The following CCDC7 variants were observed in gnomAD, a reference collection of about 807,000 sequenced individuals.
CCDC7 encodes the protein coiled-coil domain containing 7.
Under a neutral mutation model 196.9 loss-of-function variants are expected in CCDC7, and 183 were observed. That is an observed-to-expected ratio of 0.93 (90% CI 0.82 to 1.05). The LOEUF (loss-of-function observed/expected upper bound fraction) is 1.05, where lower values mean the gene tolerates loss of function less well. Ranked by LOEUF, CCDC7 falls within the 50% of genes least tolerant of loss-of-function variation. The probability of loss-of-function intolerance (pLI) is 0.00; values close to 1 mark genes in which losing one functional copy is unlikely to be tolerated. For synonymous variants in CCDC7, 525 were observed against 484.6 expected (o/e 1.08, Z -1.10); for missense variants, 1,540 against 1,482.2 (o/e 1.04, Z -0.64).
intron 33 of CCDC7, among the ~76,000 whole-genome samples, chr10:32,843,969 C>A (rs2093135845): frequency 6.6e-6 from 1 of 151,930 alleles, no homozygotes; most frequent in Non-Finnish European, 1.5e-5. Context: ...AAATGTTACA[C>A]TGTAATACTT....
At chr10:32,762,292 C>T (rs909620345) in intron 28 of CCDC7, among the ~76,000 whole-genome samples, 4 of 151,756 alleles carry the variant, frequency 2.6e-5, no homozygotes, top group Non-Finnish European at 4.4e-5. Context: ...AATGAGTGTG[C>T]GAGCACTTCT....
At chr10:32,745,672 G>A (rs1212371661) in intron 28 of CCDC7, among the ~76,000 whole-genome samples, 1 of 151,988 alleles carries the variant, frequency 6.6e-6, no homozygotes, top group African/African-American at 2.4e-5. Context: ...CCTTTGGAGG[G>A]GACAAATATC....
intron 20 of CCDC7, among the ~76,000 whole-genome samples, chr10:32,645,140 A>G (rs1053161279): frequency 6.6e-6 from 1 of 152,260 alleles, no homozygotes; most frequent in Non-Finnish European, 1.5e-5. Context: ...AATGAAAACC[A>G]TAGTGAGATA....
At chr10:32,677,014 A>G (rs2075097958) in intron 21 of CCDC7, among the ~76,000 whole-genome samples, 1 of 137,770 alleles carries the variant, frequency 7.3e-6, no homozygotes, top group Admixed American at 6.8e-5. Flanking sequence ...TGTGGCACAT[A>G]CCATGGAATA....
chr10:32,787,801 T>C (rs117282966), intron 29 of CCDC7, among the ~76,000 whole-genome samples: 5,043 of 152,130 alleles, frequency 0.033, 103 homozygotes, highest in Non-Finnish European at 0.05. Flanking sequence ...CAGTCCCAGC[T>C]CCAGGCTGGC....
chr10:32,550,160 T>TG (rs2136294071), intron 13 of CCDC7, among the ~76,000 whole-genome samples: 1 of 151,862 alleles, frequency 6.6e-6, no homozygotes, highest in East Asian at 1.9e-4. Flanking sequence ...TAAGTTTTTT[T>TG]TTTTTTTCAG....
intron 21 of CCDC7, among the ~76,000 whole-genome samples, chr10:32,666,648 T>C (rs1478479688): frequency 6.6e-6 from 1 of 151,958 alleles, no homozygotes; most frequent in African/African-American, 2.4e-5. Context: ...GTCCTTGCGA[T>C]AGTTTGCTGA....
chr10:32,623,652 A>G (rs1020181656), intron 18 of CCDC7: 8 of 459,136 alleles, frequency 1.7e-5, no homozygotes, highest in Non-Finnish European at 3.1e-5. Context: ...GTGTTGACAT[A>G]AGGAAATACT....
chr10:32,528,769 TACACACAC>T (rs953807176), intron 11 of CCDC7, among the ~76,000 whole-genome samples: 27 of 149,082 alleles, frequency 1.8e-4, no homozygotes, highest in South Asian at 4.2e-4. Context: ...TATTTACATA[TACACACAC>T]ATTATTCCAT....
intron 25 of CCDC7, among the ~76,000 whole-genome samples, chr10:32,712,570 A>G (rs2081005531): frequency 1.3e-5 from 2 of 152,200 alleles, no homozygotes; most frequent in African/African-American, 4.8e-5. Context: ...CCAGGAGTGG[A>G]ACTTTGTCCA....
At chr10:32,628,511 C>G (rs1460311049) in intron 18 of CCDC7, among the ~76,000 whole-genome samples, 1 of 151,770 alleles carries the variant, frequency 6.6e-6, no homozygotes, top group Non-Finnish European at 1.5e-5. Context: ...TTTATTTCTG[C>G]TCTAATCTTT....
intron 41 of CCDC7, among the ~76,000 whole-genome samples, chr10:32,873,033 G>A (rs1053985326): frequency 7.9e-5 from 12 of 151,932 alleles, no homozygotes; most frequent in African/African-American, 2.2e-4. Flanking sequence ...TGCTCTTCTC[G>A]AGGAGTATCT....
intron 29 of CCDC7, among the ~76,000 whole-genome samples, chr10:32,802,603 T>C (rs1159193308): frequency 3.9e-5 from 6 of 152,042 alleles, no homozygotes; most frequent in Non-Finnish European, 7.4e-5. Flanking sequence ...TATTAAGGAG[T>C]ATTGACTCAC....
chr10:32,487,134 A>C (rs2041275364), intron 8 of CCDC7, among the ~76,000 whole-genome samples: 1 of 152,134 alleles, frequency 6.6e-6, no homozygotes, highest in Non-Finnish European at 1.5e-5. Flanking sequence ...TACACTAATC[A>C]GATTTGGTCT....
chr10:32,743,496 C>T lies in CCDC7; in HGVS notation c.2905+14039C>T, dbSNP rs372309969. Among the ~76,000 whole-genome samples, 11 of 152,212 alleles carry T rather than the reference C, an allele frequency of 7.2e-5. No homozygotes were observed. The East Asian group carries it at 9.6e-4, about 13-fold the overall frequency. On this transcript the variant is annotated intron_variant, in intron 28 of 41. Coordinates refer to ENST00000639629, the Ensembl canonical transcript of CCDC7. Reference sequence around the variant, plus strand: ...TCCTTGCCCATGCCTATGTCCTCAACGGTATTGCCTAGGTTTTCTTCTAGG... The same window carrying T: ...TCCTTGCCCATGCCTATGTCCTCAATGGTATTGCCTAGGTTTTCTTCTAGG...
intron 20 of CCDC7, among the ~76,000 whole-genome samples, chr10:32,637,221 C>A (rs915437905): frequency 1.3e-5 from 2 of 152,188 alleles, no homozygotes; most frequent in Non-Finnish European, 2.9e-5. Context: ...TGTGCAGAAG[C>A]TCTTTAGTTT....
intron 8 of CCDC7, among the ~76,000 whole-genome samples, chr10:32,485,364 G>A (rs549675888): frequency 1.5e-4 from 23 of 152,074 alleles, no homozygotes; most frequent in South Asian, 4.2e-4. Context: ...TTTTTATTGC[G>A]TCTATTTGAT....
chr10:32,695,158 G>C (rs1006076478), intron 24 of CCDC7, among the ~76,000 whole-genome samples, 166 bp downstream of exon 25: 2 of 152,084 alleles, frequency 1.3e-5, no homozygotes, highest in Non-Finnish European at 2.9e-5. Flanking sequence ...TATAATATTT[G>C]GTTGGAATTT....
At position 32,711,631 on chromosome 10, in the gene CCDC7, G is replaced by T; in HGVS notation, c.2470G>T (p.Glu824Ter). ...CTCTCTTAACATAGCTCATGATGAA[G>T]AATCAGGTGAAAATCCTATGCTTAA... Residue 824 changes from glutamate to a stop codon, truncating the protein, a stop_gained, in exon 25 of 42, where the codon GAA (glutamate) becomes TAA (stop). Transcript: ENST00000639629. LOFTEE classifies it high-confidence loss of function. 1 of 1,583,264 alleles carries T rather than the reference G, an allele frequency of 6.3e-7. No individual in the cohort carries two copies. The highest frequency in any genetic ancestry group is 1.2e-5 in the South Asian group (1 of 85,368).
Sources: allele counts gnomAD v4.1 joint callset (sites outside exome capture counted in the v4.1 genomes callset), GRCh38; gene constraint gnomAD v4.1.1; transcripts MANE v1.5; gene names NCBI Gene and HGNC (gene_info 2026-07-23, HGNC 2026-07-21).